BCOR: variants seen among roughly 807,000 people sequenced by gnomAD.
The protein encoded by BCOR is BCL-6 corepressor.
In BCOR, 10 loss-of-function variants were observed where a neutral mutation model predicts 86.7. The ratio of observed to expected loss-of-function variants is 0.12; its 90% confidence interval spans 0.07 to 0.20. BCOR has a LOEUF of 0.20. Ranked by LOEUF, BCOR falls within the 10% of genes least tolerant of loss-of-function variation. The probability of loss-of-function intolerance (pLI) is 1.00; values close to 1 mark genes in which losing one functional copy is unlikely to be tolerated. For missense variants in BCOR, 1,259 were observed against 1,452.1 expected (o/e 0.87, Z 2.16); for synonymous variants, 611 against 609.0 (o/e 1.00, Z -0.05).
intron 1 of BCOR, among the ~76,000 whole-genome samples, chrX:40,174,562 C>A (rs762381909): frequency 2.2e-4 from 25 of 113,052 alleles, no homozygotes; most frequent in Admixed American, 5.6e-4. Flanking sequence ...AAGAGAAAAA[C>A]GTGGACTGTA....
chrX:40,054,752 C>T (rs939989658), intron 12 of BCOR, among the ~76,000 whole-genome samples: 1 of 112,713 alleles, frequency 8.9e-6, no homozygotes, highest in Non-Finnish European at 1.9e-5. Flanking sequence ...ATCCACCTGC[C>T]TCGGCCTCCC....
At chrX:40,096,523 T>C (rs1296935163) in intron 1 of BCOR, among the ~76,000 whole-genome samples, 1 of 111,889 alleles carries the variant, frequency 8.9e-6, no homozygotes, top group African/African-American at 3.2e-5. Flanking sequence ...AGTTTTTTTT[T>C]TTAATCCACG....
At chrX:40,158,128 C>G (rs1938333888) in intron 1 of BCOR, among the ~76,000 whole-genome samples, 1 of 112,539 alleles carries the variant, frequency 8.9e-6, no homozygotes, top group Admixed American at 9.3e-5. Flanking sequence ...GGCGGCCATC[C>G]TCCTGGCCGT....
In BCOR at chrX:40,097,489, T is replaced by G. The variant is rs1430856661; in HGVS notation, c.-315A>C. On this transcript the variant is annotated 5_prime_UTR_variant, in exon 1 of 15. Coordinates refer to ENST00000378444, the MANE Select transcript of BCOR (RefSeq NM_001123385.2). Reference sequence around the variant, plus strand: ...CCCTCGCCGTCTGCTGGCAGCCGGCTGCCCTCGGGGTCGGCCCCGCCGAGG... The same window carrying G: ...CCCTCGCCGTCTGCTGGCAGCCGGCGGCCCTCGGGGTCGGCCCCGCCGAGG... 15 of 90,622 alleles carry G rather than the reference T, an allele frequency of 1.7e-4. No individual in the cohort carries two copies. Among genetic ancestry groups the G allele is most frequent in the Non-Finnish European group, 3.2e-4 (15 of 46,872 alleles). 7.5% of individuals were successfully genotyped at this position (90,622 alleles called of 1,213,427 possible). A position where few individuals can be genotyped will look rare whatever the true frequency, so the allele number is the denominator to read the frequency against.
chrX:40,090,372 GTTCT>G (rs1936549234), intron 1 of BCOR, among the ~76,000 whole-genome samples: 1 of 113,309 alleles, frequency 8.8e-6, no homozygotes, highest in Admixed American at 9.2e-5. Context: ...TGCAAGTGGC[GTTCT>G]TTCTCTTTTT....
At chrX:40,136,537 G>A (rs764909554) in intron 1 of BCOR, among the ~76,000 whole-genome samples, 34 of 111,582 alleles carry the variant, frequency 3.0e-4, no homozygotes, top group Non-Finnish European at 5.8e-4. Context: ...TAATTCTTCC[G>A]AGTATTTATT....
rs777973496 is a variant in BCOR, at chrX:40,063,012, C to T, written c.3907G>A (p.Gly1303Ser). Reference protein sequence around the residue: ...MKSLSSTSAGGKKQAQPSCAP... With the variant: ...MKSLSSTSAGSKKQAQPSCAP... ...CAGCTTGGCTGAGCCTGCTTTTTGC[C>T]GCCTGCACTGGTGGATGAAAGACTC... Residue 1303 changes from glycine (G) to serine (S), a missense_variant, in exon 9 of 15, where the codon GGC becomes AGC. Gly to Ser is a moderately conservative substitution (Grantham distance 56). Transcript: ENST00000378444. 13 of 1,172,060 alleles carry T rather than the reference C, an allele frequency of 1.1e-5. No homozygotes were observed. Among genetic ancestry groups the T allele is most frequent in the South Asian group, 1.9e-5 (1 of 52,947 alleles).
chrX:40,168,088 A>G (rs1289403373), intron 1 of BCOR, among the ~76,000 whole-genome samples: 1 of 112,876 alleles, frequency 8.9e-6, no homozygotes, highest in Non-Finnish European at 1.9e-5. Flanking sequence ...ACGCACACAC[A>G]GACACGCACA....
intron 7 of BCOR, 125 bp from the exon 8 acceptor site, chrX:40,064,077 C>T (rs1935052660): frequency 1.5e-6 from 1 of 645,569 alleles, no homozygotes; most frequent in East Asian, 3.6e-5. Context: ...GGGAAGGGGC[C>T]TAATCATCTT....
At chrX:40,125,478 T>C (rs1430812141) in intron 1 of BCOR, among the ~76,000 whole-genome samples, 1 of 111,372 alleles carries the variant, frequency 9.0e-6, no homozygotes, top group African/African-American at 3.3e-5. Context: ...AAGTGATCCA[T>C]CTGCCTCGAC....
intron 9 of BCOR, 151 bp from the exon 10 acceptor site, chrX:40,062,544 G>T (rs1934943265): frequency 4.7e-6 from 4 of 846,223 alleles, no homozygotes; most frequent in South Asian, 4.6e-5. Context: ...TGTCAAAGGA[G>T]GGTTTGGGGG....
chrX:40,138,313 A>C (rs1207658580), intron 1 of BCOR, among the ~76,000 whole-genome samples: 1 of 111,796 alleles, frequency 8.9e-6, no homozygotes, highest in Non-Finnish European at 1.9e-5. Flanking sequence ...GGTCACAAGA[A>C]GCCCCTGCTA....
At chrX:40,137,496 C>T (rs1455872059) in intron 1 of BCOR, among the ~76,000 whole-genome samples, 1 of 108,454 alleles carries the variant, frequency 9.2e-6, no homozygotes, top group Non-Finnish European at 1.9e-5. Context: ...TGCAGTGAGC[C>T]GATATGGAGC....
chrX:40,140,147 C>G (rs1460034019), intron 1 of BCOR, among the ~76,000 whole-genome samples: 1 of 109,523 alleles, frequency 9.1e-6, no homozygotes, highest in African/African-American at 3.3e-5. Flanking sequence ...ACCATCAGAC[C>G]TTTGGCTTAA....
chrX:40,065,616 C>T (rs1410401954), intron 6 of BCOR, among the ~76,000 whole-genome samples: 1 of 112,301 alleles, frequency 8.9e-6, no homozygotes, highest in East Asian at 2.8e-4. Context: ...TGCTCTAGCC[C>T]AAGAAATAGC....
chrX:40,127,011 A>T (rs1049242312), intron 1 of BCOR, among the ~76,000 whole-genome samples: 1 of 111,549 alleles, frequency 9.0e-6, no homozygotes, highest in Non-Finnish European at 1.9e-5. Context: ...CCAGAACAGT[A>T]AGACAATATA....
intron 1 of BCOR, among the ~76,000 whole-genome samples, chrX:40,084,580 A>C (rs1288399926): frequency 9.0e-6 from 1 of 111,192 alleles, no homozygotes; most frequent in Non-Finnish European, 1.9e-5. Flanking sequence ...CCACTTGGGA[A>C]TCTACACAAC....
rs1028150730 is a variant in BCOR, at chrX:40,148,447, TG to T, written c.-41+28559del. Reference sequence around the variant, plus strand: ...GTTCTCACCCTTCCTTTCTCCCTGCTGGGCCTCCTCCAAACCGGATTGCCTA... The same window carrying T: ...GTTCTCACCCTTCCTTTCTCCCTGCTGGCCTCCTCCAAACCGGATTGCCTA... On this transcript the variant is annotated intron_variant, in intron 1 of 14. Transcript: ENST00000342274. Among the ~76,000 whole-genome samples, 3 of 111,072 alleles carry T rather than the reference TG, an allele frequency of 2.7e-5. 1 individual carries two copies. Among genetic ancestry groups the T allele is most frequent in the Non-Finnish European group, 3.8e-5 (2 of 53,032 alleles).
At chrX:40,083,068 C>A (rs1936176897) in intron 1 of BCOR, among the ~76,000 whole-genome samples, 1 of 99,258 alleles carries the variant, frequency 1.0e-5, no homozygotes, top group Non-Finnish European at 2.0e-5. Flanking sequence ...CTCCGGGTGT[C>A]AAGGAAGGGA....
Sources: allele counts gnomAD v4.1 joint callset (sites outside exome capture counted in the v4.1 genomes callset), GRCh38; gene constraint gnomAD v4.1.1; transcripts MANE v1.5; gene names NCBI Gene and HGNC (gene_info 2026-07-23, HGNC 2026-07-21).